The following MOCOS variants were observed in gnomAD, a reference collection of about 807,000 sequenced individuals.
MOCOS encodes human molybdenum cofactor sulfurase.
A neutral mutation model predicts 83.6 loss-of-function variants in MOCOS; 86 were observed. The observed-to-expected ratio is 1.03, with a 90% CI of 0.86 to 1.23. The LOEUF (loss-of-function observed/expected upper bound fraction) is 1.23, where lower values mean the gene tolerates loss of function less well. MOCOS is among the 50% of genes most tolerant of loss of function. The probability of loss-of-function intolerance (pLI) is 0.00; values close to 1 mark genes in which losing one functional copy is unlikely to be tolerated. For synonymous variants in MOCOS, 445 were observed against 434.7 expected, an observed-to-expected ratio of 1.02 and a Z score of -0.29; for missense variants, 1,120 against 1,126.9, an observed-to-expected ratio of 0.99 and a Z score of 0.09.
intron 9 of MOCOS, among the ~76,000 whole-genome samples, chr18:36,241,425 G>C (rs1157151747): frequency 6.6e-6 from 1 of 152,204 alleles, no homozygotes; most frequent in Admixed American, 6.5e-5. Flanking sequence ...GGTTCAAAAT[G>C]ATCTTCTTTG....
chr18:36,196,001 C>T (rs993357539), intron 2 of MOCOS, among the ~76,000 whole-genome samples: 8 of 151,892 alleles, frequency 5.3e-5, no homozygotes, highest in South Asian at 4.2e-4. Context: ...GGGAGAAGTG[C>T]GAGCAGGCAG....
chr18:36,240,887 C>T (rs1167013362), intron 9 of MOCOS, among the ~76,000 whole-genome samples: 1 of 152,180 alleles, frequency 6.6e-6, no homozygotes, highest in Non-Finnish European at 1.5e-5. Context: ...GTGGGAATGA[C>T]CCGATTCTCC....
rs1287126454 is a variant in MOCOS at position 36,272,095 on chromosome 18, A to G, written c.*3410A>G. 6.6e-6 allele frequency: 1 copy of G among 152,170 alleles called. No individual in the cohort carries two copies. Among genetic ancestry groups the G allele is most frequent in the African/African-American group, 2.4e-5 (1 of 41,446 alleles). 9.4% of individuals were successfully genotyped at this position (152,170 alleles called of 1,614,324 possible). A position where few individuals can be genotyped will look rare whatever the true frequency, so the allele number is the denominator to read the frequency against. On this transcript the variant is annotated 3_prime_UTR_variant, in exon 15 of 15. Coordinates refer to ENST00000261326, the MANE Select transcript of MOCOS (RefSeq NM_017947.4). Reference sequence around the variant, plus strand: ...CAGGTGCATGAGTGTTGGTTGTATTATTCTTTATTTTTTTGTATGACTTAT... The same window carrying G: ...CAGGTGCATGAGTGTTGGTTGTATTGTTCTTTATTTTTTTGTATGACTTAT...
intron 13 of MOCOS, 117 bp downstream of exon 13, chr18:36,260,292 C>G: frequency 7.3e-7 from 1 of 1,363,272 alleles, no homozygotes; most frequent in Non-Finnish European, 1.0e-6. Context: ...CTCTTAACTA[C>G]AAAATCTTGG....
At chr18:36,254,455 T>A (rs1343285171) in intron 11 of MOCOS, among the ~76,000 whole-genome samples, 1 of 103,908 alleles carries the variant, frequency 9.6e-6, no homozygotes, top group Admixed American at 1.2e-4. Flanking sequence ...AAATACATTA[T>A]CTCTGTGTGT....
rs568572631 is a variant in MOCOS, at chr18:36,250,785, A to G, written c.2040-374A>G. On this transcript the variant is annotated intron_variant, in intron 10 of 14. Transcript: ENST00000261326. Reference sequence around the variant, plus strand: ...AGTCCATGTGAGAGAAGATATTTCAATCAGGCCCATAGTGAACAAATAGGA... The same window carrying G: ...AGTCCATGTGAGAGAAGATATTTCAGTCAGGCCCATAGTGAACAAATAGGA... Among the ~76,000 whole-genome samples, 117 of 152,330 alleles carry G rather than the reference A, an allele frequency of 7.7e-4. 1 individual carries two copies. The highest frequency in any genetic ancestry group is 3.7e-3 in the South Asian group (18 of 4,828).
At chr18:36,213,950 A>T (rs961989409) in intron 7 of MOCOS, among the ~76,000 whole-genome samples, 7 of 142,280 alleles carry the variant, frequency 4.9e-5, no homozygotes, top group Admixed American at 4.3e-4. Flanking sequence ...AAAGAAAAAA[A>T]AAAAGAAGAA....
intron 13 of MOCOS, among the ~76,000 whole-genome samples, chr18:36,262,276 C>CACACACACACACACACACA: frequency 6.6e-6 from 1 of 151,108 alleles, no homozygotes; most frequent in Non-Finnish European, 1.5e-5. Flanking sequence ...CACACACACA[C>CACACACACACACACACACA]GAAAAATTAG....
chr18:36,243,453 G>A (rs746289593), intron 9 of MOCOS, among the ~76,000 whole-genome samples: 1 of 152,162 alleles, frequency 6.6e-6, no homozygotes, highest in African/African-American at 2.4e-5. Context: ...TGCATCACTG[G>A]TATGAAACCC....
intron 1 of MOCOS, among the ~76,000 whole-genome samples, chr18:36,193,646 T>C (rs8085279): frequency 0.15 from 22,400 of 152,186 alleles, 1,871 homozygotes; most frequent in East Asian, 0.32. Context: ...TAGAGTAATA[T>C]ATAAGCATAA....
chr18:36,215,519 G>A lies in MOCOS; in HGVS notation c.1339G>A (p.Gly447Ser), dbSNP rs748057823. 6.2e-7 allele frequency: 1 copy of A among 1,613,688 alleles called. No individual in the cohort carries two copies. The highest frequency in any genetic ancestry group is 1.7e-5 in the Admixed American group (1 of 59,972). ...ATGCACTTCCCTCTTATCCTAGGCT[G>A]GTCATGTCTGTGGGGACAATATGGA... ...NEMVRKHFQA[G>S]HVCGDNMDLI... The change falls in exon 8 of 15, where the codon GGT (glycine) becomes AGT (serine). Residue 447 changes from glycine (G) to serine (S), a missense_variant. Transcript: ENST00000261326.
At chr18:36,238,423 T>C (rs1186200204) in intron 9 of MOCOS, among the ~76,000 whole-genome samples, 1 of 150,736 alleles carries the variant, frequency 6.6e-6, no homozygotes, top group African/African-American at 2.4e-5. Context: ...GGTTGTTCAG[T>C]TTCCATGTAG....
intron 9 of MOCOS, among the ~76,000 whole-genome samples, chr18:36,235,962 A>G (rs1444838301): frequency 2.6e-5 from 4 of 151,262 alleles, no homozygotes; most frequent in Non-Finnish European, 4.4e-5. Context: ...TCCTTCGCCC[A>G]CTTTTTGATG....
chr18:36,216,040 A>C, intron 8 of MOCOS, 63 bp downstream of exon 8: 1 of 1,459,308 alleles, frequency 6.9e-7, no homozygotes, highest in Non-Finnish European at 9.3e-7. Flanking sequence ...TTTTTTGATA[A>C]AGTGAAGAAA....
intron 9 of MOCOS, 110 bp from the exon 10 acceptor site, chr18:36,248,812 T>C: frequency 1.2e-6 from 1 of 859,492 alleles, no homozygotes; most frequent in Non-Finnish European, 1.9e-6. Context: ...TGTCTATTTT[T>C]ATGTCAGTAC....
chr18:36,226,794 C>T (rs1030979599), intron 9 of MOCOS, among the ~76,000 whole-genome samples: 2 of 151,290 alleles, frequency 1.3e-5, no homozygotes, highest in Admixed American at 1.3e-4. Context: ...AAGCTGACAG[C>T]AAGTTTAATC....
chr18:36,257,080 C>A lies in MOCOS; in HGVS notation c.2270+7C>A. 6.2e-7 allele frequency: 1 copy of A among 1,606,168 alleles called. No homozygotes were observed. The highest frequency in any genetic ancestry group is 1.7e-5 in the Admixed American group (1 of 60,018). ...ACCGGCAACTAAACACCAGGTAAGA[C>A]CTCATACCTCGGGACTAGCAGACAA... On this transcript the variant is annotated splice_region_variant and intron_variant, in intron 12 of 14. Coordinates refer to ENST00000261326, the MANE Select transcript of MOCOS (RefSeq NM_017947.4).
At position 36,268,558 on chromosome 18, in the gene MOCOS, A is replaced by T. The variant is rs1356640228; in HGVS notation, c.2540A>T (p.His847Leu). The T allele has an allele frequency of 1.2e-6, 2 of 1,614,170 alleles. No individual in the cohort carries two copies. The highest frequency in any genetic ancestry group is 1.7e-6 in the Non-Finnish European group (2 of 1,180,024). Reference protein sequence around the residue: ...TKVNFGMYLMHASLDLSSPCF... With the variant: ...TKVNFGMYLMLASLDLSSPCF... The stretch of plus-strand genomic sequence containing the variant: ...GTGAACTTTGGCATGTACCTGATGC[A>T]TGCATCATTGGATTTATCCTCCCCA... Residue 847 changes from histidine to leucine, a missense_variant, in exon 15 of 15, where the codon CAT (histidine) becomes CTT (leucine). Transcript: ENST00000261326.
intron 9 of MOCOS, among the ~76,000 whole-genome samples, chr18:36,239,412 A>G (rs1300156448): frequency 5.2e-5 from 7 of 135,090 alleles, no homozygotes; most frequent in Non-Finnish European, 1.0e-4. Flanking sequence ...TTGGCTGGAT[A>G]TGAAATTCTG....
Sources: gnomAD v4.1 joint callset for allele counts (sites outside exome capture counted in the v4.1 genomes callset) on GRCh38, gnomAD v4.1.1 for gene constraint, MANE v1.5 for transcripts, NCBI Gene and HGNC (gene_info 2026-07-23, HGNC 2026-07-21) for gene names.